Variants in SLC25A21 observed in about 807,000 individuals in gnomAD.
The protein encoded by SLC25A21 is solute carrier family 25 member 21.
SLC25A21 carries 47 observed loss-of-function variants against 43.8 expected under a neutral mutation model. The ratio of observed to expected loss-of-function variants is 1.07; its 90% confidence interval spans 0.85 to 1.37. The LOEUF (loss-of-function observed/expected upper bound fraction) is 1.37. Among genes scored for constraint, SLC25A21 ranks in the 40% most tolerant of loss-of-function variants. SLC25A21 has a pLI of 0.00. For missense variants in SLC25A21, 352 were observed against 350.2 expected, an observed-to-expected ratio of 1.00 and a Z score of -0.04; for synonymous variants, 131 against 121.3, an observed-to-expected ratio of 1.08 and a Z score of -0.52.
At chr14:36,898,256 G>A (rs540048133) in intron 1 of SLC25A21, among the ~76,000 whole-genome samples, 19 of 152,156 alleles carry the variant, frequency 1.2e-4, no homozygotes, top group Non-Finnish European at 2.4e-4. Context: ...CCCCAGCCTC[G>A]CTGCCACCTT....
intron 1 of SLC25A21, among the ~76,000 whole-genome samples, chr14:37,060,093 A>G (rs1961912366): frequency 6.6e-6 from 1 of 151,962 alleles, no homozygotes; most frequent in African/African-American, 2.4e-5. Flanking sequence ...TAAAAAAAAA[A>G]TCCTAGCCCC....
chr14:36,680,631 C>A lies in SLC25A21; in HGVS notation c.*27G>T. 6.2e-7 allele frequency: 1 copy of A among 1,609,558 alleles called. No homozygotes were observed. The highest frequency in any genetic ancestry group is 8.5e-7 in the Non-Finnish European group (1 of 1,177,928). Reference sequence around the variant, plus strand: ...GCTGCATAGCAAATATCCATTATCTCAAGGGGGAAAAACACTTCATAGGCA... The same window carrying A: ...GCTGCATAGCAAATATCCATTATCTAAAGGGGGAAAAACACTTCATAGGCA... On this transcript the variant is annotated 3_prime_UTR_variant, in exon 10 of 10. Coordinates refer to ENST00000331299, the MANE Select transcript of SLC25A21 (RefSeq NM_030631.4).
At chr14:36,892,505 G>A (rs566572510) in intron 1 of SLC25A21, among the ~76,000 whole-genome samples, 1 of 151,972 alleles carries the variant, frequency 6.6e-6, no homozygotes. Context: ...CATAATGTTA[G>A]TTAAATAAGG....
chr14:36,888,175 C>T (rs1380622402), intron 1 of SLC25A21, among the ~76,000 whole-genome samples: 1 of 152,134 alleles, frequency 6.6e-6, no homozygotes, highest in Non-Finnish European at 1.5e-5. Flanking sequence ...GCTTAGCCTA[C>T]TAGGTTCAAA....
At chr14:37,071,055 G>GA (rs34092270) in intron 1 of SLC25A21, among the ~76,000 whole-genome samples, 73,301 of 152,036 alleles carry the variant, frequency 0.48, 20,538 homozygotes, top group African/African-American at 0.79. Context: ...AGGGAAAGGA[G>GA]AAGACACTGG....
Position 36,890,244 on chromosome 14 carries a change from G to T in SLC25A21, c.71-15240C>A, listed in dbSNP as rs10137888. Among the ~76,000 whole-genome samples the T allele has an allele frequency of 5.9e-5, 9 of 152,266 alleles. No homozygotes were observed. The East Asian group carries it at 1.5e-3, about 26-fold the overall frequency. The stretch of plus-strand genomic sequence containing the variant: ...ACTGAGAATCCATTTGAGGCCAATC[G>T]TCATGCATGTAAAGTGTCATTTTTG... On this transcript the variant is annotated intron_variant, in intron 1 of 9. Coordinates refer to ENST00000331299, the MANE Select transcript of SLC25A21 (RefSeq NM_030631.4).
intron 7 of SLC25A21, among the ~76,000 whole-genome samples, chr14:36,696,086 A>G (rs867715093): frequency 2.0e-4 from 30 of 152,302 alleles, no homozygotes; most frequent in African/African-American, 6.5e-4. Flanking sequence ...CATTCCATCA[A>G]TACCTAGTTT....
intron 1 of SLC25A21, among the ~76,000 whole-genome samples, chr14:36,941,563 C>A (rs981918313): frequency 2.6e-5 from 4 of 151,766 alleles, no homozygotes; most frequent in Non-Finnish European, 5.9e-5. Flanking sequence ...GTATTTTCCG[C>A]ACAGAAAATC....
chr14:36,721,958 C>A (rs1194955160), intron 6 of SLC25A21, among the ~76,000 whole-genome samples: 4 of 152,158 alleles, frequency 2.6e-5, no homozygotes, highest in Non-Finnish European at 5.9e-5. Context: ...TCACAAAGCC[C>A]TTCTCTTAAA....
intron 1 of SLC25A21, among the ~76,000 whole-genome samples, chr14:36,963,461 C>T (rs1376105432): frequency 6.6e-6 from 1 of 152,074 alleles, no homozygotes; most frequent in African/African-American, 2.4e-5. Flanking sequence ...CATAATAGTG[C>T]TATCTGCCAT....
chr14:36,700,964 A>G (rs1369249478), intron 7 of SLC25A21, among the ~76,000 whole-genome samples: 2 of 152,216 alleles, frequency 1.3e-5, no homozygotes, highest in Admixed American at 1.3e-4. Flanking sequence ...GTAACTGAAC[A>G]AGGAGGCAGC....
intron 2 of SLC25A21, among the ~76,000 whole-genome samples, chr14:36,843,153 A>G (rs1889438056): frequency 6.6e-6 from 1 of 152,190 alleles, no homozygotes; most frequent in Non-Finnish European, 1.5e-5. Context: ...AGTTCCTAAC[A>G]GGCCACAGAC....
chr14:37,098,496 T>G (rs770150137), intron 1 of SLC25A21: 6 of 152,326 alleles, frequency 3.9e-5, no homozygotes, highest in Non-Finnish European at 7.3e-5. Flanking sequence ...GCCTCAAGTC[T>G]TTTAACAGTC....
chr14:36,942,692 TC>T (rs1433842092), intron 1 of SLC25A21, among the ~76,000 whole-genome samples: 2 of 152,132 alleles, frequency 1.3e-5, no homozygotes, highest in African/African-American at 4.8e-5. Flanking sequence ...AATTTTCTTT[TC>T]CCTTGATATG....
chr14:36,807,760 A>C (rs1383990250), intron 3 of SLC25A21, among the ~76,000 whole-genome samples: 2 of 152,212 alleles, frequency 1.3e-5, no homozygotes, highest in African/African-American at 4.8e-5. Context: ...ACTAAGTTGT[A>C]GAGCTGTGGG....
chr14:36,838,828 A>C (rs190899871), intron 2 of SLC25A21, among the ~76,000 whole-genome samples: 3 of 152,334 alleles, frequency 2.0e-5, no homozygotes, highest in Non-Finnish European at 4.4e-5. Context: ...CAGTAGAAAC[A>C]CACCTTTCTC....
chr14:37,040,443 A>AAAGAAAGAAAG (rs1961447378), intron 1 of SLC25A21, among the ~76,000 whole-genome samples: 2 of 135,414 alleles, frequency 1.5e-5, no homozygotes, highest in Non-Finnish European at 3.3e-5. Flanking sequence ...AAGAAAGAAA[A>AAAGAAAGAAAG]GAAAAATTAG....
chr14:36,976,622 C>G (rs2138693141), intron 1 of SLC25A21, among the ~76,000 whole-genome samples: 1 of 152,274 alleles, frequency 6.6e-6, no homozygotes, highest in African/African-American at 2.4e-5. Flanking sequence ...TCTCACCTCT[C>G]TTAGTACCAG....
At chr14:36,876,615 C>T (rs1566699502) in intron 1 of SLC25A21, among the ~76,000 whole-genome samples, 1 of 152,010 alleles carries the variant, frequency 6.6e-6, no homozygotes, top group African/African-American at 2.4e-5. Context: ...TCTCCATATA[C>T]TTCTCCTTGC....
Sources: allele counts gnomAD v4.1 joint callset (sites outside exome capture counted in the v4.1 genomes callset), GRCh38; gene constraint gnomAD v4.1.1; transcripts MANE v1.5; gene names NCBI Gene and HGNC (gene_info 2026-07-23, HGNC 2026-07-21).